FNIP2: variants seen among roughly 807,000 people sequenced by gnomAD.
FNIP2 encodes the protein folliculin interacting protein 2.
A neutral mutation model predicts 108.7 loss-of-function variants in FNIP2; 32 were observed. That is an observed-to-expected ratio of 0.29 (90% CI 0.22 to 0.40). FNIP2 has a LOEUF of 0.40. Ranked by LOEUF, FNIP2 falls within the 10% of genes least tolerant of loss-of-function variation. FNIP2 has a pLI of 1.00. For missense variants in FNIP2, 1,202 were observed against 1,381.6 expected, an observed-to-expected ratio of 0.87 and a Z score of 2.06; for synonymous variants, 480 against 496.7, an observed-to-expected ratio of 0.97 and a Z score of 0.45.
intron 8 of FNIP2, among the ~76,000 whole-genome samples, chr4:158,851,676 G>A (rs906797956): frequency 1.3e-5 from 2 of 152,200 alleles, no homozygotes; most frequent in Non-Finnish European, 2.9e-5. Context: ...GAGTATCTGG[G>A]TAGTTGTATC....
Position 158,802,709 on chromosome 4 carries a change from T to C in FNIP2, c.108-23207T>C, listed in dbSNP as rs148521327. 3.9e-3 allele frequency among the ~76,000 whole-genome samples: 598 copies of C among 152,282 alleles called. 5 individuals carry two copies. Among genetic ancestry groups the C allele is most frequent in the African/African-American group, 0.013 (549 of 41,552 alleles). ...TTTTCTCAGGTGTCAAATCTTGGAT[T>C]GGAGGTGGGTCCTGGCAGCACTGCA... is the stretch of plus-strand genomic sequence containing the variant. On this transcript the variant is annotated intron_variant, in intron 1 of 16. Coordinates refer to ENST00000264433, the MANE Select transcript of FNIP2 (RefSeq NM_020840.3).
chr4:158,794,526 G>T (rs4318610), intron 1 of FNIP2: 78,192 of 152,020 alleles, frequency 0.51, 21,972 homozygotes, highest in East Asian at 0.86. Context: ...GTGCAGGTTT[G>T]TTCATAGGTG....
At position 158,904,771 on chromosome 4, in the gene FNIP2, T is replaced by C; in HGVS notation, c.*227T>C. 1 of 508,950 alleles carries C rather than the reference T, an allele frequency of 2.0e-6. No homozygotes were observed. The highest frequency in any genetic ancestry group is 3.5e-6 in the Non-Finnish European group (1 of 282,432). 31.5% of individuals were successfully genotyped at this position (508,950 alleles called of 1,614,324 possible). The stretch of plus-strand genomic sequence containing the variant: ...TGTCGTGAACACTTTAGGCCATTTG[T>C]TACCCATGAATCAACAAAGAAACTG... On this transcript the variant is annotated 3_prime_UTR_variant, in exon 17 of 17. Transcript: ENST00000264433.
In FNIP2 at chr4:158,836,811, CAAAAAAAAAAAA is replaced by C. The variant is rs34469888; in HGVS notation, c.727+1351_727+1362del. The stretch of plus-strand genomic sequence containing the variant: ...AGGCTGGACAACAGAGACTCCGTCT[CAAAAAAAAAAAA>C]AAAAAAAAAAAAAAAGAGACTCATT... On this transcript the variant is annotated intron_variant, in intron 7 of 16. Coordinates refer to ENST00000264433, the MANE Select transcript of FNIP2 (RefSeq NM_020840.3). Among the ~76,000 whole-genome samples, 57 of 39,582 alleles carry C rather than the reference CAAAAAAAAAAAA, an allele frequency of 1.4e-3. No individual in the cohort carries two copies. The Admixed American group carries it at 0.015, about 10-fold the overall frequency. 26.0% of individuals were successfully genotyped at this position (39,582 alleles called of 152,430 possible).
chr4:158,807,994 C>T (rs115969083), intron 1 of FNIP2, among the ~76,000 whole-genome samples: 9,112 of 152,208 alleles, frequency 0.06, 393 homozygotes, highest in Middle Eastern at 0.11. Flanking sequence ...GAGAGAGTAA[C>T]GGAGTGACAC....
intron 7 of FNIP2, among the ~76,000 whole-genome samples, chr4:158,839,031 A>G (rs1480502147): frequency 2.0e-5 from 3 of 152,160 alleles, no homozygotes; most frequent in African/African-American, 7.2e-5. Context: ...GGTATATATC[A>G]CCAACATTAT....
chr4:158,871,466 C>T, intron 14 of FNIP2: 7 of 985,296 alleles, frequency 7.1e-6, no homozygotes, highest in Non-Finnish European at 8.4e-6. Context: ...TGAGCATCTC[C>T]TCTGTGAAGA....
At position 158,899,981 on chromosome 4, in the gene FNIP2, T is replaced by C. The variant is rs562405313; in HGVS notation, c.3266+4116T>C. ...TCTTTCCTGCTTTCTCTTGTGGGCATTTAGTGCTATAAATTTCCCTCTAAA... is the reference window on the plus strand; with the variant it reads ...TCTTTCCTGCTTTCTCTTGTGGGCACTTAGTGCTATAAATTTCCCTCTAAA... On this transcript the variant is annotated intron_variant, in intron 16 of 16. Transcript: ENST00000264433. Among the ~76,000 whole-genome samples, 8 of 152,348 alleles carry C rather than the reference T, an allele frequency of 5.3e-5. No homozygotes were observed. In the East Asian group the frequency reaches 1.5e-3, roughly 29 times the overall value.
At position 158,861,622 on chromosome 4, in the gene FNIP2, A is replaced by G. The variant is rs376461682; in HGVS notation, c.1311A>G (p.Leu437=). 2.5e-5 allele frequency: 40 copies of G among 1,613,802 alleles called. No homozygotes were observed. Among genetic ancestry groups the G allele is most frequent in the Non-Finnish European group, 3.3e-5 (39 of 1,179,878 alleles). The change falls in exon 12 of 17, where the codon TTA becomes TTG. Residue 437 remains leucine, a synonymous_variant. Transcript: ENST00000264433. ...TTTCTCCAAGGTTTTTTGCTGCCTT[A>G]CTGACTGCGGTGTTAACCTACCACC... ...QINKNQFFAA[L]LTAVLTYHLA... is the part of the protein sequence containing the mutation.
intron 1 of FNIP2, among the ~76,000 whole-genome samples, chr4:158,773,641 G>A (rs1220308715): frequency 2.0e-5 from 3 of 152,138 alleles, no homozygotes; most frequent in Non-Finnish European, 4.4e-5. Context: ...GAGGCTTTAC[G>A]AAAATGGAAC....
chr4:158,861,360 A>T lies in FNIP2; in HGVS notation c.1167A>T (p.Leu389Phe). 2 of 1,613,856 alleles carry T rather than the reference A, an allele frequency of 1.2e-6. No individual in the cohort carries two copies. Among genetic ancestry groups the T allele is most frequent in the Non-Finnish European group, 1.7e-6 (2 of 1,179,848 alleles). The change falls in exon 11 of 17, where the codon TTA becomes TTT. Residue 389 changes from leucine (L) to phenylalanine (F), a missense_variant. Transcript: ENST00000264433. ...LGEFRGTIWN[L>F]YSVPRIAEPV... ...TCTATAGAGGAACTATCTGGAACTT[A>T]TATTCTGTTCCAAGGATAGCTGAAC... is the stretch of plus-strand genomic sequence containing the variant.
chr4:158,797,714 A>G (rs894116354), intron 1 of FNIP2, among the ~76,000 whole-genome samples: 6 of 152,144 alleles, frequency 3.9e-5, no homozygotes, highest in Admixed American at 3.9e-4. Flanking sequence ...AAAACAAAAC[A>G]AAACAAAAAA....
chr4:158,875,616 A>G (rs1781239573), intron 14 of FNIP2, among the ~76,000 whole-genome samples: 1 of 150,588 alleles, frequency 6.6e-6, no homozygotes, highest in African/African-American at 2.5e-5. Context: ...GTCCCTTCAA[A>G]TGGTAAATCA....
chr4:158,882,037 C>T (rs1019160016), intron 14 of FNIP2, among the ~76,000 whole-genome samples: 1 of 151,698 alleles, frequency 6.6e-6, no homozygotes, highest in East Asian at 1.9e-4. Context: ...GCCCGGCCGC[C>T]CATTGTCTGA....
rs181432593 is a variant in FNIP2, at chr4:158,900,350, A to G, written c.3267-4116A>G. On this transcript the variant is annotated intron_variant, in intron 16 of 16. Coordinates refer to ENST00000264433, the MANE Select transcript of FNIP2 (RefSeq NM_020840.3). ...GGGGTGGAGAGTTCTGTAGATGTCT[A>G]TTAGGTCTGCTTGGTCCAGAGCTGA... 2.8e-3 allele frequency among the ~76,000 whole-genome samples: 422 copies of G among 152,266 alleles called. 3 individuals carry two copies. Among genetic ancestry groups the G allele is most frequent in the African/African-American group, 9.6e-3 (400 of 41,536 alleles).
intron 1 of FNIP2, among the ~76,000 whole-genome samples, chr4:158,784,685 T>C (rs1776158958): frequency 6.6e-6 from 1 of 152,028 alleles, no homozygotes; most frequent in African/African-American, 2.4e-5. Context: ...CATAATAGGG[T>C]TCGCACTACT....
intron 1 of FNIP2, among the ~76,000 whole-genome samples, chr4:158,791,266 C>CTTTTTTTTTTTTTTTTT (rs199714823): frequency 3.1e-5 from 3 of 98,050 alleles, no homozygotes; most frequent in Non-Finnish European, 1.9e-5. Context: ...ACTGAGGATC[C>CTTTTTTTTTTTTTTTTT]TTTTTTTTTT....
chr4:158,801,934 T>C (rs1472752945), intron 1 of FNIP2, among the ~76,000 whole-genome samples: 1 of 152,202 alleles, frequency 6.6e-6, no homozygotes, highest in Non-Finnish European at 1.5e-5. Context: ...GTTCTGATCC[T>C]GGATCTGTCT....
chr4:158,775,423 A>T (rs1452323409), intron 1 of FNIP2, among the ~76,000 whole-genome samples: 1 of 152,170 alleles, frequency 6.6e-6, no homozygotes. Context: ...ATTATTATGT[A>T]AAAAAAGGAA....
Sources: allele counts gnomAD v4.1 joint callset (sites outside exome capture counted in the v4.1 genomes callset), GRCh38; gene constraint gnomAD v4.1.1; transcripts MANE v1.5; gene names NCBI Gene and HGNC (gene_info 2026-07-23, HGNC 2026-07-21).